CD109: variants seen among roughly 807,000 people sequenced by gnomAD.
CD109 encodes the protein CD109 antigen.
In CD109, 149 loss-of-function variants were observed where a neutral mutation model predicts 165.8. The ratio of observed to expected loss-of-function variants is 0.90; its 90% confidence interval spans 0.79 to 1.03. CD109 has a LOEUF of 1.03. Ranked by LOEUF, CD109 falls within the 50% of genes least tolerant of loss-of-function variation. The pLI, the probability that CD109 is intolerant of heterozygous loss-of-function variation, is 0.00. For missense variants in CD109, 1,712 were observed against 1,677.8 expected (o/e 1.02, Z -0.36); for synonymous variants, 585 against 592.1 (o/e 0.99, Z 0.18).
At chr6:73,696,453 T>C (rs1038423631) in intron 1 of CD109, among the ~76,000 whole-genome samples, 164 bp downstream of exon 1, 24 of 152,208 alleles carry the variant, frequency 1.6e-4, no homozygotes, top group African/African-American at 5.5e-4. Context: ...GGTTTGACCA[T>C]ATGTAGCTTC....
rs1019336975 is a variant in CD109 at position 73,782,893 on chromosome 6, A to G, written c.2105+138A>G. 1.2e-5 allele frequency: 8 copies of G among 695,270 alleles called. No homozygotes were observed. The South Asian group carries it at 1.5e-4, about 13-fold the overall frequency. The allele number at this position is 695,270 out of a possible 1,614,324, so 43.1% of individuals were successfully genotyped here. The stretch of plus-strand genomic sequence containing the variant: ...GTAGACCAAAAGGATTTTTTAGGAA[A>G]TGATATTTATTGAATCTAAATACAG... On this transcript the variant is annotated intron_variant, in intron 18 of 32. Transcript: ENST00000287097.
chr6:73,766,201 A>G (rs752058873), intron 11 of CD109, 47 bp downstream of exon 11: 4 of 1,452,566 alleles, frequency 2.8e-6, no homozygotes, highest in South Asian at 2.3e-5. Flanking sequence ...ACACCATTAC[A>G]GTTGTAATCT....
At chr6:73,820,182 T>C (rs1776062167) in intron 31 of CD109, among the ~76,000 whole-genome samples, 1 of 152,168 alleles carries the variant, frequency 6.6e-6, no homozygotes, top group Non-Finnish European at 1.5e-5. Context: ...ACAGGAGATC[T>C]AGGTGCATGC....
At position 73,825,278 on chromosome 6, in the gene CD109, G is replaced by A. The variant is rs1052540648; in HGVS notation, c.*1645G>A. Reference sequence around the variant, plus strand: ...TAAGTATCAAATACTTAATTTTCTTGCCTTTTTTTCTTAAGTGGGGAAAAG... The same window carrying A: ...TAAGTATCAAATACTTAATTTTCTTACCTTTTTTTCTTAAGTGGGGAAAAG... On this transcript the variant is annotated 3_prime_UTR_variant, in exon 33 of 33. Coordinates refer to ENST00000287097, the MANE Select transcript of CD109 (RefSeq NM_133493.5). 1.3e-5 allele frequency: 2 copies of A among 152,082 alleles called. No homozygotes were observed. Among genetic ancestry groups the A allele is most frequent in the South Asian group, 2.1e-4 (1 of 4,828 alleles). 9.4% of individuals were successfully genotyped at this position (152,082 alleles called of 1,614,324 possible).
chr6:73,754,527 G>A (rs1582105814), intron 5 of CD109, among the ~76,000 whole-genome samples: 2 of 152,200 alleles, frequency 1.3e-5, no homozygotes, highest in South Asian at 4.1e-4. Context: ...ATATTCTAAT[G>A]TAAACTACTT....
intron 2 of CD109, among the ~76,000 whole-genome samples, chr6:73,718,783 A>G (rs200483876): frequency 1.3e-5 from 2 of 152,126 alleles, no homozygotes; most frequent in East Asian, 3.8e-4. Flanking sequence ...AACTCAATGT[A>G]TGTAATGCTT....
the CD109 span, among the ~76,000 whole-genome samples, chr6:73,680,348 A>G: frequency 6.6e-6 from 1 of 152,302 alleles, no homozygotes; most frequent in African/African-American, 2.4e-5. Context: ...GATTGATGAT[A>G]CCTTTGACTA....
chr6:73,797,253 A>T (rs997766), intron 23 of CD109, among the ~76,000 whole-genome samples: 1 of 152,344 alleles, frequency 6.6e-6, no homozygotes, highest in East Asian at 1.9e-4. Flanking sequence ...TGGAACCATA[A>T]CATGAAAACT....
intron 4 of CD109, among the ~76,000 whole-genome samples, chr6:73,731,766 C>G (rs1772377571): frequency 6.6e-6 from 1 of 152,102 alleles, no homozygotes; most frequent in Admixed American, 6.5e-5. Flanking sequence ...CCTCAGTTTC[C>G]TTATCTAGAA....
intron 5 of CD109, among the ~76,000 whole-genome samples, chr6:73,743,339 A>T (rs978651056): frequency 6.6e-6 from 1 of 152,216 alleles, no homozygotes; most frequent in Non-Finnish European, 1.5e-5. Context: ...GCAAGCAGAA[A>T]ACTCAACAGG....
At chr6:73,761,060 C>T (rs957547595) in intron 7 of CD109, among the ~76,000 whole-genome samples, 4 of 146,714 alleles carry the variant, frequency 2.7e-5, no homozygotes, top group African/African-American at 7.5e-5. Context: ...CACACACACA[C>T]ACACACACAC....
intron 18 of CD109, among the ~76,000 whole-genome samples, chr6:73,783,108 C>T (rs1774567384): frequency 6.6e-6 from 1 of 151,812 alleles, no homozygotes; most frequent in South Asian, 2.1e-4. Flanking sequence ...CTCCTGTGAC[C>T]CCTGGCAGTG....
At chr6:73,770,983 C>T (rs1774012394) in intron 14 of CD109, among the ~76,000 whole-genome samples, 1 of 152,146 alleles carries the variant, frequency 6.6e-6, no homozygotes, top group African/African-American at 2.4e-5. Context: ...ACCCTCAGTC[C>T]AGGTGGTTCT....
intron 2 of CD109, among the ~76,000 whole-genome samples, chr6:73,714,538 G>A (rs921354921): frequency 6.6e-6 from 1 of 152,124 alleles, no homozygotes; most frequent in African/African-American, 2.4e-5. Flanking sequence ...TAAACCTCCT[G>A]CATTGTAATT....
chr6:73,720,146 G>A (rs146992589), intron 2 of CD109, among the ~76,000 whole-genome samples: 2 of 152,172 alleles, frequency 1.3e-5, no homozygotes, highest in African/African-American at 4.8e-5. Flanking sequence ...TATACGTAAT[G>A]GAACACTATT....
intron 11 of CD109, among the ~76,000 whole-genome samples, chr6:73,766,394 T>C (rs751341179): frequency 1.2e-4 from 18 of 152,112 alleles, no homozygotes; most frequent in Non-Finnish European, 2.5e-4. Flanking sequence ...GAAGATATGA[T>C]GGAGAATTTC....
rs1438497246 is a variant in CD109, at chr6:73,824,880, G to A, written c.*1247G>A. The A allele has an allele frequency of 2.0e-5, 3 of 151,842 alleles. No individual in the cohort carries two copies. The highest frequency in any genetic ancestry group is 4.4e-5 in the Non-Finnish European group (3 of 67,968). The allele number at this position is 151,842 out of a possible 1,614,324, so 9.4% of individuals were successfully genotyped here. On this transcript the variant is annotated 3_prime_UTR_variant, in exon 33 of 33. Transcript: ENST00000287097. ...AAATATACTGAAATGATTTAGATATGTGTCAACAATTAATGATCTTTTATT... is the reference window on the plus strand; with the variant it reads ...AAATATACTGAAATGATTTAGATATATGTCAACAATTAATGATCTTTTATT...
At chr6:73,730,763 A>G (rs1772338447) in intron 4 of CD109, among the ~76,000 whole-genome samples, 189 bp downstream of exon 4, 1 of 152,158 alleles carries the variant, frequency 6.6e-6, no homozygotes, top group African/African-American at 2.4e-5. Context: ...CAGCCTCTAG[A>G]GTCAACCTGC....
Position 73,782,644 on chromosome 6 carries a change from T to C in CD109, c.1994T>C (p.Met665Thr). ...YDNAEYAERF[M>T]EENEGHIVDI... ...AATGCAGAATATGCTGAGAGGTTTA[T>C]GGAGGAAAATGAAGGACATATTGTA... is the stretch of plus-strand genomic sequence containing the variant. Residue 665 changes from methionine to threonine, a missense_variant, in exon 18 of 33, where the codon ATG becomes ACG. By Grantham distance (81) the Met-to-Thr change is moderately conservative. Coordinates refer to ENST00000287097, the MANE Select transcript of CD109 (RefSeq NM_133493.5). The C allele has an allele frequency of 6.2e-7, 1 of 1,613,838 alleles. No individual in the cohort carries two copies. The highest frequency in any genetic ancestry group is 8.5e-7 in the Non-Finnish European group (1 of 1,179,800).
Sources: allele counts gnomAD v4.1 joint callset (sites outside exome capture counted in the v4.1 genomes callset), GRCh38; gene constraint gnomAD v4.1.1; transcripts MANE v1.5; gene names NCBI Gene and HGNC (gene_info 2026-07-23, HGNC 2026-07-21).